Variants in DDR2 observed in about 807,000 individuals in gnomAD.
The protein encoded by DDR2 is discoidin domain receptor tyrosine kinase 2.
Under a neutral mutation model 94.9 loss-of-function variants are expected in DDR2, and 27 were observed. The observed-to-expected ratio is 0.28, with a 90% CI of 0.21 to 0.39. DDR2 has a LOEUF of 0.39. Ranked by LOEUF, DDR2 falls within the 10% of genes least tolerant of loss-of-function variation. DDR2 has a pLI of 1.00. For synonymous variants in DDR2, 382 were observed against 377.2 expected (o/e 1.01, Z -0.15); for missense variants, 783 against 1,076.0 (o/e 0.73, Z 3.81).
At chr1:162,771,679 T>C (rs1647226080) in intron 12 of DDR2, among the ~76,000 whole-genome samples, 1 of 152,208 alleles carries the variant, frequency 6.6e-6, no homozygotes, top group Non-Finnish European at 1.5e-5. Flanking sequence ...AACAGTGTCT[T>C]AAAATTAAGG....
At position 162,654,204 on chromosome 1, in the gene DDR2, G is replaced by A. The variant is rs370826675; in HGVS notation, c.-191-1007G>A. On this transcript the variant is annotated intron_variant, in intron 1 of 17. Transcript: ENST00000367921. ...TATAATCCCAGCACTTTGTGAGGCC[G>A]AGGTGGGAGGATCGCTTGATTGCCT... Among the ~76,000 whole-genome samples the A allele has an allele frequency of 7.2e-5, 11 of 152,276 alleles. No homozygotes were observed. In the South Asian group the frequency reaches 2.1e-3, roughly 29 times the overall value.
chr1:162,766,627 T>C (rs1571311538), intron 10 of DDR2, among the ~76,000 whole-genome samples: 1 of 152,172 alleles, frequency 6.6e-6, no homozygotes, highest in South Asian at 2.1e-4. Flanking sequence ...CAGGCCATAA[T>C]AATACAGAGA....
At position 162,739,519 on chromosome 1, in the gene DDR2, C is replaced by A. The variant is rs559668925; in HGVS notation, c.83-13576C>A. On this transcript the variant is annotated intron_variant, in intron 3 of 17. Coordinates refer to ENST00000367921, the MANE Select transcript of DDR2 (RefSeq NM_006182.4). The stretch of plus-strand genomic sequence containing the variant: ...ACAGGGTTTTACCATGTTGGCCAGT[C>A]TGGTCTCAAACTCCTGACCTCAAGT... Among the ~76,000 whole-genome samples the A allele has an allele frequency of 2.6e-5, 4 of 152,038 alleles. No individual in the cohort carries two copies. In the South Asian group the frequency reaches 8.3e-4, roughly 32 times the overall value.
Position 162,759,949 on chromosome 1 carries a change from T to A in DDR2, c.825T>A (p.Phe275Leu), listed in dbSNP as rs778841775. 1.9e-6 allele frequency: 3 copies of A among 1,614,042 alleles called. No individual in the cohort carries two copies. In the African/African-American group the frequency reaches 4.0e-5, roughly 22 times the overall value. Residue 275 changes from phenylalanine to leucine, a missense_variant, in exon 8 of 18, where the codon TTT (phenylalanine) becomes TTA (leucine). Physicochemically the swap from Phe to Leu is conservative, Grantham distance 22. Around this residue, in one of 2 missense-constraint regions of DDR2, gnomAD observed 519 missense variants for 647.9 expected, o/e 0.80. Transcript: ENST00000367921. The stretch of plus-strand genomic sequence containing the variant: ...GCTACATTGAGATCATGTTTGAATT[T>A]GACCGCATCAGGAATTTCACTACCA... ...TNGYIEIMFE[F>L]DRIRNFTTMK...
At chr1:162,675,157 CA>C (rs746435012) in intron 2 of DDR2, among the ~76,000 whole-genome samples, 36 of 145,516 alleles carry the variant, frequency 2.5e-4, no homozygotes, top group South Asian at 4.4e-4. Context: ...AACTCCATCT[CA>C]AAAAAAAAAA....
chr1:162,760,370 G>GTA (rs993720647), intron 8 of DDR2, among the ~76,000 whole-genome samples: 1 of 150,000 alleles, frequency 6.7e-6, no homozygotes, highest in African/African-American at 2.4e-5. Context: ...GTGTGTGTGT[G>GTA]TGTGTGTGTG....
rs149102817 is a variant in DDR2, at chr1:162,767,236, G to C, written c.1170G>C (p.Met390Ile). ...TTCTCTCCCTGGTCACAGATCCAAT[G>C]CTTAAAGTTGATGACAGCAACACTC... ...SPMAPTTYDP[M>I]LKVDDSNTRI... The change falls in exon 11 of 18, where the codon ATG becomes ATC. Residue 390 changes from methionine (M) to isoleucine (I), a missense_variant. Coordinates refer to ENST00000367921, the MANE Select transcript of DDR2 (RefSeq NM_006182.4). 24 of 1,613,910 alleles carry C rather than the reference G, an allele frequency of 1.5e-5. No homozygotes were observed. The highest frequency in any genetic ancestry group is 5.0e-5 in the Admixed American group (3 of 59,994).
At chr1:162,686,339 G>T (rs948133904) in intron 2 of DDR2, among the ~76,000 whole-genome samples, 68 of 152,074 alleles carry the variant, frequency 4.5e-4, no homozygotes, top group African/African-American at 4.8e-5. Context: ...CATGCATTAG[G>T]TATTTGTCCT....
chr1:162,753,857 T>C lies in DDR2; in HGVS notation c.185+660T>C, dbSNP rs187664823. Among the ~76,000 whole-genome samples, 6 of 152,278 alleles carry C rather than the reference T, an allele frequency of 3.9e-5. No homozygotes were observed. The East Asian group carries it at 1.2e-3, about 29-fold the overall frequency. ...AAGTATTGATTTTATTAAAATGGAA[T>C]TACCCATAAGAAAATGAATCCTGAT... On this transcript the variant is annotated intron_variant, in intron 4 of 17. Transcript: ENST00000367921.
chr1:162,768,446 T>C (rs1664105663), intron 11 of DDR2, among the ~76,000 whole-genome samples: 1 of 152,088 alleles, frequency 6.6e-6, no homozygotes, highest in Non-Finnish European at 1.5e-5. Context: ...GGGCAGGGAA[T>C]AGGAAGGAGG....
Position 162,699,927 on chromosome 1 carries a change from A to G in DDR2, c.-27-19110A>G, listed in dbSNP as rs181767752. ...GATCTTTTCCTCCTAATTAGCTTCT[A>G]TTGTCACCTCTTCCTAAGTTGATAT... On this transcript the variant is annotated intron_variant, in intron 2 of 17. Coordinates refer to ENST00000367921, the MANE Select transcript of DDR2 (RefSeq NM_006182.4). 5.3e-5 allele frequency among the ~76,000 whole-genome samples: 8 copies of G among 152,340 alleles called. No homozygotes were observed. The East Asian group carries it at 1.5e-3, about 29-fold the overall frequency.
At chr1:162,769,679 A>T (rs1019339713) in intron 11 of DDR2, among the ~76,000 whole-genome samples, 1 of 152,226 alleles carries the variant, frequency 6.6e-6, no homozygotes, top group African/African-American at 2.4e-5. Flanking sequence ...TATATTAGAT[A>T]AGATACCACA....
intron 3 of DDR2, among the ~76,000 whole-genome samples, chr1:162,743,396 G>A (rs1254324311): frequency 6.6e-6 from 1 of 152,088 alleles, no homozygotes; most frequent in Non-Finnish European, 1.5e-5. Context: ...TACTTCTCCA[G>A]GGCACTTCCT....
chr1:162,649,421 G>T (rs1202252189), intron 1 of DDR2, among the ~76,000 whole-genome samples: 4 of 152,182 alleles, frequency 2.6e-5, no homozygotes, highest in Non-Finnish European at 5.9e-5. Flanking sequence ...AGAAACAAGA[G>T]TTGGGATTTG....
rs5778295 is a variant in DDR2 at position 162,780,420 on chromosome 1, C to CT, written c.*188dup. The stretch of plus-strand genomic sequence containing the variant: ...ACTCCCTACCCCTGACTCATATACA[C>CT]TTTTTTTTTTTTTTACATTAAAGAA... On this transcript the variant is annotated 3_prime_UTR_variant, in exon 18 of 18. Coordinates refer to ENST00000367921, the MANE Select transcript of DDR2 (RefSeq NM_006182.4). 8.0e-4 allele frequency: 536 copies of CT among 672,092 alleles called. 6 individuals carry two copies. In the African/African-American group the frequency reaches 9.1e-3, roughly 11 times the overall value. The allele number at this position is 672,092 out of a possible 1,614,324, so 41.6% of individuals were successfully genotyped here.
intron 3 of DDR2, among the ~76,000 whole-genome samples, chr1:162,736,751 C>A (rs187955955): frequency 6.6e-6 from 1 of 152,182 alleles, no homozygotes; most frequent in Non-Finnish European, 1.5e-5. Context: ...GATGTCAGTA[C>A]GTGAAAGAAT....
At chr1:162,683,951 C>T (rs1659538363) in intron 2 of DDR2, among the ~76,000 whole-genome samples, 1 of 152,040 alleles carries the variant, frequency 6.6e-6, no homozygotes. Flanking sequence ...TTAAAACAAA[C>T]TAAGTGGGAG....
intron 1 of DDR2, among the ~76,000 whole-genome samples, chr1:162,644,870 A>G (rs1428641304): frequency 2.0e-5 from 3 of 152,182 alleles, no homozygotes; most frequent in Non-Finnish European, 2.9e-5. Flanking sequence ...TGCTGGGATT[A>G]CAGGCATGAG....
intron 3 of DDR2, among the ~76,000 whole-genome samples, chr1:162,728,712 G>A (rs1379254557): frequency 1.3e-5 from 2 of 152,114 alleles, no homozygotes; most frequent in Non-Finnish European, 2.9e-5. Context: ...TCTCTGTCCA[G>A]ATTCTTCCCC....
Sources: gnomAD v4.1 joint callset for allele counts (sites outside exome capture counted in the v4.1 genomes callset) on GRCh38, gnomAD v4.1.1 for gene constraint, gnomAD v4.1.1 regional missense constraint, MANE v1.5 for transcripts, NCBI Gene and HGNC (gene_info 2026-07-23, HGNC 2026-07-21) for gene names.